Variants in YEATS2 observed in about 807,000 individuals in gnomAD.
The protein encoded by YEATS2 is YEATS domain containing 2, also known as YEATS domain-containing protein 2.
In YEATS2, 77 loss-of-function variants were observed where a neutral mutation model predicts 163.2. The ratio of observed to expected loss-of-function variants is 0.47; its 90% CI spans 0.39 to 0.57. The LOEUF is 0.57. Among genes scored for constraint, YEATS2 ranks in the 20% least tolerant of loss-of-function variants. The pLI is 0.00. For missense variants in YEATS2, 1,549 were observed against 1,729.8 expected, an observed-to-expected ratio of 0.90 and a Z score of 1.85; for synonymous variants, 631 against 645.1, an observed-to-expected ratio of 0.98 and a Z score of 0.33.
At position 183,712,199 on chromosome 3, in the gene YEATS2, T is replaced by TTATGTTATGTTATGTTATGTTATGTTATG. The variant is rs1560220669; in HGVS notation, c.-19-2944_-19-2943insATGTTATGTTATGTTATGTTATGTTATGT. ...AGCATTTTATGTTCTTTTATTTTAT[T>TTATGTTATGTTATGTTATGTTATGTTATG]TTATTTTATTTTATTTTATTTTATT... On this transcript the variant is annotated intron_variant, in intron 1 of 30. Coordinates refer to ENST00000305135, the MANE Select transcript of YEATS2 (RefSeq NM_018023.5). Among the ~76,000 whole-genome samples, 275 of 93,904 alleles carry TTATGTTATGTTATGTTATGTTATGTTATG rather than the reference T, an allele frequency of 2.9e-3. 1 individual carries two copies. Among genetic ancestry groups the TTATGTTATGTTATGTTATGTTATGTTATG allele is most frequent in the African/African-American group, 0.017 (263 of 15,908 alleles). 61.6% of individuals were successfully genotyped at this position (93,904 alleles called of 152,430 possible).
intron 14 of YEATS2, 27 bp downstream of exon 14, chr3:183,761,641 A>C: frequency 6.3e-7 from 1 of 1,595,710 alleles, no homozygotes; most frequent in Non-Finnish European, 8.6e-7. Flanking sequence ...GCATTGTCCC[A>C]CAAGTCATAA....
rs779273787 is a variant in YEATS2, at chr3:183,804,154, C to T, written c.3750C>T (p.Ile1250=). ...GCCTGAGGAATGACGGGGACTCCAT[C>T]GAGGACGTGCTGACCCAGATCGACA... ...PESLRNDGDS[I]EDVLTQIDSE... The change falls in exon 27 of 31, where the codon ATC becomes ATT. Residue 1250 remains isoleucine, a synonymous_variant. Coordinates refer to ENST00000305135, the MANE Select transcript of YEATS2 (RefSeq NM_018023.5). The T allele has an allele frequency of 1.4e-5, 22 of 1,614,038 alleles. No individual in the cohort carries two copies. Among genetic ancestry groups the T allele is most frequent in the African/African-American group, 6.7e-5 (5 of 74,910 alleles).
rs1722991511 is a variant in YEATS2 at position 183,776,268 on chromosome 3, G to T, written c.2577+145G>T. On this transcript the variant is annotated intron_variant, in intron 18 of 30. Coordinates refer to ENST00000305135, the MANE Select transcript of YEATS2 (RefSeq NM_018023.5). ...TTATCTATATCTATATCTTGGCCGG[G>T]TGTGGTAACTCATGCCTGTAATCCT... 8 of 899,630 alleles carry T rather than the reference G, an allele frequency of 8.9e-6. No homozygotes were observed. In the South Asian group the frequency reaches 1.8e-4, roughly 20 times the overall value. 55.7% of individuals were successfully genotyped at this position (899,630 alleles called of 1,614,324 possible).
At chr3:183,713,813 C>T (rs1485120457) in intron 1 of YEATS2, among the ~76,000 whole-genome samples, 1 of 152,192 alleles carries the variant, frequency 6.6e-6, no homozygotes, top group African/African-American at 2.4e-5. Context: ...CTCTCGAGCA[C>T]TAATTTTTTT....
rs533314940 is a variant in YEATS2, at chr3:183,702,822, A to ACT, written c.-20+4839_-20+4840dup. On this transcript the variant is annotated intron_variant, in intron 1 of 30. Coordinates refer to ENST00000305135, the MANE Select transcript of YEATS2 (RefSeq NM_018023.5). Reference sequence around the variant, plus strand: ...GCACTCCATCCTGGGCGACAGCAAGACTCTCTCTCTCAAAAAAAAAAAAGG... The same window carrying ACT: ...GCACTCCATCCTGGGCGACAGCAAGACTCTCTCTCTCTCAAAAAAAAAAAAGG... Among the ~76,000 whole-genome samples the ACT allele has an allele frequency of 4.3e-4, 62 of 145,130 alleles. 1 individual carries two copies. The South Asian group carries it at 5.2e-3, about 12-fold the overall frequency.
At chr3:183,799,832 CTT>C (rs533383296) in intron 23 of YEATS2, among the ~76,000 whole-genome samples, 3 of 115,770 alleles carry the variant, frequency 2.6e-5, no homozygotes, top group Admixed American at 8.8e-5. Flanking sequence ...TTTTTTTTTT[CTT>C]TTTTTTTTTT....
chr3:183,729,111 A>C lies in YEATS2; in HGVS notation c.812+260A>C, dbSNP rs557738447. 8.5e-5 allele frequency among the ~76,000 whole-genome samples: 13 copies of C among 152,238 alleles called. No homozygotes were observed. The East Asian group carries it at 2.5e-3, about 29-fold the overall frequency. On this transcript the variant is annotated intron_variant, in intron 7 of 30. Transcript: ENST00000305135. ...CACGGTGAAACCCGGTCTCCACTAA[A>C]GATACAAAAAATTAGCTGGGCGTGG... is the stretch of plus-strand genomic sequence containing the variant.
chr3:183,802,487 A>ATGTGTGTG (rs10663581), intron 25 of YEATS2: 7 of 145,250 alleles, frequency 4.8e-5, no homozygotes, highest in East Asian at 2.1e-4. Flanking sequence ...TCTCTTATAT[A>ATGTGTGTG]TGTGTGTGTG....
At chr3:183,780,444 G>A (rs764796333) in intron 19 of YEATS2, among the ~76,000 whole-genome samples, 1 of 152,204 alleles carries the variant, frequency 6.6e-6, no homozygotes, top group Non-Finnish European at 1.5e-5. Context: ...ATCACTTGGC[G>A]AGGCTTTCTT....
At position 183,754,123 on chromosome 3, in the gene YEATS2, C is replaced by CAGG; in HGVS notation, c.1151-1_1152dup. The CAGG allele has an allele frequency of 6.5e-7, 1 of 1,540,188 alleles. No individual in the cohort carries two copies. The highest frequency in any genetic ancestry group is 8.8e-7 in the Non-Finnish European group (1 of 1,134,662). Reference sequence around the variant, plus strand: ...TGCCGTTTGCCTCTTTCATCTCAAGCAGGATTCCCAGCTAGCACTGAAGCT... The same window carrying CAGG: ...TGCCGTTTGCCTCTTTCATCTCAAGCAGGAGGATTCCCAGCTAGCACTGAAGCT... On this transcript the variant is annotated splice_polypyrimidine_tract_variant and splice_region_variant and intron_variant, in intron 10 of 30. Transcript: ENST00000305135.
chr3:183,776,035 C>A lies in YEATS2; in HGVS notation c.2489C>A (p.Ala830Glu). ...GGSTGGGGGT[A>E]GGGTQSTAGP... The stretch of plus-strand genomic sequence containing the variant: ...AGCACAGGAGGAGGAGGAGGAACAG[C>A]AGGAGGAGGAACTCAAAGTACTGCT... Residue 830 changes from alanine (A) to glutamate (E), a missense_variant, in exon 18 of 31, where the codon GCA becomes GAA. Ala to Glu is a moderately radical substitution (Grantham distance 107, BLOSUM62 -1). Coordinates refer to ENST00000305135, the MANE Select transcript of YEATS2 (RefSeq NM_018023.5). 1 of 1,611,898 alleles carries A rather than the reference C, an allele frequency of 6.2e-7. No homozygotes were observed. Among genetic ancestry groups the A allele is most frequent in the Non-Finnish European group, 8.5e-7 (1 of 1,178,494 alleles).
rs1396385501 is a variant in YEATS2, at chr3:183,724,969, C to T, written c.650+438C>T. On this transcript the variant is annotated intron_variant, in intron 6 of 30. Coordinates refer to ENST00000305135, the MANE Select transcript of YEATS2 (RefSeq NM_018023.5). ...TGTTGGTCAGGCTGGTCTTGAACTC[C>T]CGACCTCAGGTGATCCATCCACCTT... Among the ~76,000 whole-genome samples, 3 of 151,860 alleles carry T rather than the reference C, an allele frequency of 2.0e-5. No homozygotes were observed. In the East Asian group the frequency reaches 5.8e-4, roughly 29 times the overall value.
intron 15 of YEATS2, among the ~76,000 whole-genome samples, chr3:183,770,505 G>A (rs1722352249): frequency 6.6e-6 from 1 of 152,150 alleles, no homozygotes. Context: ...AGTAACATAT[G>A]TAGAGAATTA....
intron 1 of YEATS2, among the ~76,000 whole-genome samples, chr3:183,702,109 C>CT (rs970900499): frequency 7.2e-5 from 11 of 152,134 alleles, no homozygotes; most frequent in Admixed American, 5.2e-4. Flanking sequence ...CCTTCGAAAG[C>CT]TTTTTTTCCC....
intron 2 of YEATS2, among the ~76,000 whole-genome samples, chr3:183,716,679 AGT>A (rs934921383): frequency 4.6e-5 from 7 of 152,302 alleles, no homozygotes; most frequent in African/African-American, 1.7e-4. Flanking sequence ...AACAGGGAAA[AGT>A]GATTGTTTTA....
intron 6 of YEATS2, among the ~76,000 whole-genome samples, chr3:183,725,774 A>G (rs1237859541): frequency 6.6e-6 from 1 of 152,216 alleles, no homozygotes; most frequent in Non-Finnish European, 1.5e-5. Context: ...TCGGCCATTT[A>G]CTTGTGATTG....
chr3:183,800,619 G>A (rs761009446), intron 24 of YEATS2, 51 bp downstream of exon 24: 12 of 1,403,994 alleles, frequency 8.5e-6, no homozygotes, highest in Admixed American at 3.5e-5. Context: ...TGTTTGTCAC[G>A]CCTGTGACAG....
At chr3:183,741,100 G>A (rs1469703665) in intron 8 of YEATS2, among the ~76,000 whole-genome samples, 8 of 151,914 alleles carry the variant, frequency 5.3e-5, no homozygotes, top group East Asian at 3.9e-4. Context: ...CACCACGCGC[G>A]GATAATTTTT....
chr3:183,808,837 G>A (rs560271647), intron 29 of YEATS2: 4 of 349,292 alleles, frequency 1.1e-5, no homozygotes, highest in African/African-American at 2.1e-5. Flanking sequence ...GCCTGGGCGC[G>A]AGAGTGAGAC....
Sources: allele counts gnomAD v4.1 joint callset (sites outside exome capture counted in the v4.1 genomes callset), GRCh38; gene constraint gnomAD v4.1.1; transcripts MANE v1.5; gene names NCBI Gene and HGNC (gene_info 2026-07-23, HGNC 2026-07-21).